HDAC9: variants seen among roughly 807,000 people sequenced by gnomAD.
HDAC9 encodes histone deacetylase 9.
HDAC9 carries 41 observed loss-of-function variants against 139.4 expected under a neutral mutation model. The ratio of observed to expected loss-of-function variants is 0.29; its 90% CI spans 0.23 to 0.38. The LOEUF is 0.38. HDAC9 is among the 10% of genes least tolerant of loss of function. The pLI is 1.00. For missense variants in HDAC9, 1,147 were observed against 1,297.0 expected (o/e 0.88, Z 1.78); for synonymous variants, 517 against 476.2 (o/e 1.09, Z -1.12).
chr7:18,919,561 G>T (rs1483621014), intron 22 of HDAC9, among the ~76,000 whole-genome samples: 2 of 151,964 alleles, frequency 1.3e-5, no homozygotes, highest in African/African-American at 4.8e-5. Flanking sequence ...ACAACCCATT[G>T]ATGTAAATTC....
At chr7:18,477,313 GTCCCC>G in intron 1 of HDAC9, among the ~76,000 whole-genome samples, 1 of 152,092 alleles carries the variant, frequency 6.6e-6, no homozygotes, top group South Asian at 2.1e-4. Flanking sequence ...ACCTTACTTG[GTCCCC>G]ACTAAGTCAC....
rs576888298 is a variant in HDAC9 at position 18,578,509 on chromosome 7, A to G, written c.23-6772A>G. 2.0e-5 allele frequency among the ~76,000 whole-genome samples: 3 copies of G among 152,286 alleles called. No homozygotes were observed. The South Asian group carries it at 6.2e-4, about 32-fold the overall frequency. The stretch of plus-strand genomic sequence containing the variant: ...AGAGGCCTGTCCCCAGTCCCTCATC[A>G]TCATATTTCAGGATGGCTGGAAGCA... On this transcript the variant is annotated intron_variant, in intron 2 of 25. Coordinates refer to ENST00000686413, the MANE Select transcript of HDAC9 (RefSeq NM_178425.4).
chr7:18,176,928 G>A (rs1788955001), intron 2 of HDAC9, among the ~76,000 whole-genome samples: 2 of 152,118 alleles, frequency 1.3e-5, no homozygotes, highest in South Asian at 4.1e-4. Flanking sequence ...CTAGAAATTA[G>A]CAGAAAAATG....
chr7:18,852,860 C>G (rs1212956099), intron 21 of HDAC9, among the ~76,000 whole-genome samples: 1 of 150,668 alleles, frequency 6.6e-6, no homozygotes, highest in Non-Finnish European at 1.5e-5. Context: ...TTTTTTTTCC[C>G]TCTCTTTCTT....
intron 2 of HDAC9, among the ~76,000 whole-genome samples, chr7:18,578,721 C>A (rs1469056411): frequency 2.0e-5 from 3 of 152,140 alleles, no homozygotes; most frequent in Non-Finnish European, 4.4e-5. Flanking sequence ...TTTTTAGATT[C>A]TTCAGGGCGG....
intron 21 of HDAC9, among the ~76,000 whole-genome samples, chr7:18,836,328 C>A (rs1021910351): frequency 1.3e-5 from 2 of 152,080 alleles, no homozygotes; most frequent in Non-Finnish European, 2.9e-5. Flanking sequence ...CTGAGAAGTC[C>A]TTCATTACCT....
chr7:18,512,454 A>G (rs1055311520), intron 2 of HDAC9, among the ~76,000 whole-genome samples: 6 of 152,210 alleles, frequency 3.9e-5, no homozygotes, highest in African/African-American at 1.4e-4. Context: ...AATTAATAAC[A>G]TTGTTGAAGG....
chr7:18,574,647 T>C (rs1335839597), intron 2 of HDAC9, among the ~76,000 whole-genome samples: 2 of 152,198 alleles, frequency 1.3e-5, no homozygotes, highest in African/African-American at 4.8e-5. Context: ...CAGGCCCCTG[T>C]TGAGCTGCCC....
At chr7:18,605,900 T>G (rs1835349092) in intron 6 of HDAC9, among the ~76,000 whole-genome samples, 1 of 152,120 alleles carries the variant, frequency 6.6e-6, no homozygotes, top group Non-Finnish European at 1.5e-5. Flanking sequence ...CAGGATGGTC[T>G]CCATCTCCTG....
intron 2 of HDAC9, among the ~76,000 whole-genome samples, chr7:18,224,783 G>C (rs1054390901): frequency 6.6e-6 from 1 of 151,972 alleles, no homozygotes; most frequent in Non-Finnish European, 1.5e-5. Context: ...AGAAATATGA[G>C]GATGTAAAGT....
intron 1 of HDAC9, among the ~76,000 whole-genome samples, chr7:18,391,748 C>T (rs1203726773): frequency 6.6e-6 from 1 of 152,228 alleles, no homozygotes; most frequent in East Asian, 1.9e-4. Flanking sequence ...AAACCCCTCA[C>T]TTAGTACACA....
intron 24 of HDAC9, among the ~76,000 whole-genome samples, chr7:18,971,636 C>A (rs1199971781): frequency 6.6e-6 from 1 of 152,158 alleles, no homozygotes; most frequent in Admixed American, 6.5e-5. Flanking sequence ...AATTATTCTC[C>A]TCTATGAATA....
chr7:18,610,989 A>G (rs1836964414), intron 6 of HDAC9, among the ~76,000 whole-genome samples: 1 of 152,152 alleles, frequency 6.6e-6, no homozygotes, highest in African/African-American at 2.4e-5. Context: ...TTATTTAAAA[A>G]CCGCTGCTAA....
At chr7:18,220,236 G>A (rs910733912) in intron 2 of HDAC9, among the ~76,000 whole-genome samples, 4 of 151,988 alleles carry the variant, frequency 2.6e-5, no homozygotes, top group Admixed American at 6.6e-5. Flanking sequence ...GGGAGGGAGG[G>A]GAACAAATAT....
chr7:18,839,559 AG>A (rs1192795894), intron 21 of HDAC9, among the ~76,000 whole-genome samples: 1 of 152,102 alleles, frequency 6.6e-6, no homozygotes, highest in Non-Finnish European at 1.5e-5. Context: ...GAATCAGAGA[AG>A]AAAGAGGGAA....
At chr7:18,107,834 C>A (rs975348293) in intron 1 of HDAC9, among the ~76,000 whole-genome samples, 1 of 152,038 alleles carries the variant, frequency 6.6e-6, no homozygotes, top group Non-Finnish European at 1.5e-5. Context: ...TTAATGTTTT[C>A]TCTTTCAAAA....
chr7:18,209,015 C>A (rs1407032684), intron 2 of HDAC9, among the ~76,000 whole-genome samples: 1 of 152,142 alleles, frequency 6.6e-6, no homozygotes, highest in Non-Finnish European at 1.5e-5. Flanking sequence ...GTCAACATAC[C>A]TTGCTTAGCA....
chr7:18,613,327 C>A (rs1837683783), intron 6 of HDAC9, among the ~76,000 whole-genome samples: 1 of 151,706 alleles, frequency 6.6e-6, no homozygotes, highest in Non-Finnish European at 1.5e-5. Flanking sequence ...GGAAATGAGA[C>A]AGGAGAGAAG....
chr7:18,129,631 A>G (rs1328414252), intron 1 of HDAC9, among the ~76,000 whole-genome samples: 6 of 152,106 alleles, frequency 3.9e-5, no homozygotes, highest in South Asian at 2.1e-4. Flanking sequence ...TGCATATTCA[A>G]TTATCTGTAG....
Sources: allele counts gnomAD v4.1 joint callset (sites outside exome capture counted in the v4.1 genomes callset), GRCh38; gene constraint gnomAD v4.1.1; transcripts MANE v1.5; gene names NCBI Gene and HGNC (gene_info 2026-07-23, HGNC 2026-07-21).